Variants in MYO18B observed in about 807,000 individuals in gnomAD.
MYO18B encodes unconventional myosin-XVIIIb.
Under a neutral mutation model 273.0 loss-of-function variants are expected in MYO18B, and 204 were observed. The ratio of observed to expected loss-of-function variants is 0.75; its 90% CI spans 0.67 to 0.84. The LOEUF is 0.84. Ranked by LOEUF, MYO18B falls within the 40% of genes least tolerant of loss-of-function variation. MYO18B has a pLI of 0.00. For missense variants in MYO18B, 3,212 were observed against 3,287.6 expected, an observed-to-expected ratio of 0.98 and a Z score of 0.56; for synonymous variants, 1,330 against 1,305.7, an observed-to-expected ratio of 1.02 and a Z score of -0.40.
At chr22:25,840,413 G>T (rs1312906435) in intron 17 of MYO18B, among the ~76,000 whole-genome samples, 1 of 152,196 alleles carries the variant, frequency 6.6e-6, no homozygotes, top group Non-Finnish European at 1.5e-5. Context: ...AAAAAGCGGT[G>T]ACCCCTCCCT....
chr22:25,796,594 TAAAA>T (rs67767641), intron 11 of MYO18B, among the ~76,000 whole-genome samples: 9 of 141,528 alleles, frequency 6.4e-5, no homozygotes, highest in Middle Eastern at 3.7e-3. Context: ...AGACCCTGTC[TAAAA>T]AAAAAAAAAA....
chr22:25,970,064 C>T (rs1045487862), intron 39 of MYO18B, among the ~76,000 whole-genome samples: 4 of 152,042 alleles, frequency 2.6e-5, no homozygotes, highest in African/African-American at 9.7e-5. Flanking sequence ...CAACCATTAC[C>T]ATCATTATCT....
intron 21 of MYO18B, among the ~76,000 whole-genome samples, chr22:25,854,875 G>T (rs1030226616): frequency 1.3e-5 from 2 of 152,162 alleles, no homozygotes; most frequent in African/African-American, 2.4e-5. Context: ...ATATTCCATT[G>T]TGGATGTATA....
intron 40 of MYO18B, among the ~76,000 whole-genome samples, chr22:25,993,567 A>G (rs1932923147): frequency 6.6e-6 from 1 of 152,156 alleles, no homozygotes; most frequent in Non-Finnish European, 1.5e-5. Context: ...CTTTGTTTCC[A>G]TATGAGGACC....
intron 40 of MYO18B, among the ~76,000 whole-genome samples, chr22:25,994,569 T>C (rs1419436334): frequency 2.0e-5 from 3 of 152,226 alleles, no homozygotes; most frequent in Non-Finnish European, 2.9e-5. Flanking sequence ...GTGGCTTCCA[T>C]GCACATTCCA....
intron 40 of MYO18B, among the ~76,000 whole-genome samples, chr22:25,994,531 T>TA (rs11404011): frequency 0.46 from 69,482 of 151,978 alleles, 16,881 homozygotes; most frequent in African/African-American, 0.62. Context: ...GACTTTGTCT[T>TA]AAAAAAAATT....
At chr22:25,934,551 C>T (rs574875348) in intron 34 of MYO18B, among the ~76,000 whole-genome samples, 1 of 152,218 alleles carries the variant, frequency 6.6e-6, no homozygotes, top group South Asian at 2.1e-4. Context: ...GAAGTCCTGA[C>T]GAAGTGCCCA....
chr22:26,046,980 C>T, the MYO18B span, among the ~76,000 whole-genome samples: 1 of 152,176 alleles, frequency 6.6e-6, no homozygotes, highest in Non-Finnish European at 1.5e-5. Context: ...TTTGCCTCCA[C>T]ATGGCTGCTT....
chr22:25,905,663 T>TAC (rs1161793153), intron 31 of MYO18B, among the ~76,000 whole-genome samples: 1 of 152,202 alleles, frequency 6.6e-6, no homozygotes, highest in African/African-American at 2.4e-5. Flanking sequence ...TTCAAGGAGC[T>TAC]GTAATACGGG....
Position 25,770,875 on chromosome 22 carries a change from CG to C in MYO18B, c.1585del (p.Val529CysfsTer2). On this transcript the variant is annotated frameshift_variant, in exon 6 of 44. Transcript: ENST00000335473. LOFTEE classifies it high-confidence loss of function. ...TCTCTCTGGGATGTCCAACCAGCTA[CG>C]GTGCTAAAGCCAGATGAGGGAACAG... Reference protein sequence around the residue: ...LAQKDGFTLATVLKPDEGTAD... With the variant: ...LAQKDGFTLAXVLKPDEGTAD... 6.4e-7 allele frequency: 1 copy of C among 1,551,384 alleles called. No individual in the cohort carries two copies. Among genetic ancestry groups the C allele is most frequent in the East Asian group, 2.4e-5 (1 of 40,924 alleles).
chr22:25,749,110 G>A (rs1400524919), intron 1 of MYO18B, among the ~76,000 whole-genome samples: 2 of 152,138 alleles, frequency 1.3e-5, no homozygotes, highest in Non-Finnish European at 1.5e-5. Context: ...AACCCACGAG[G>A]CAGCCACTAT....
At chr22:25,798,317 TTC>T (rs1326874499) in intron 12 of MYO18B, among the ~76,000 whole-genome samples, 1 of 152,206 alleles carries the variant, frequency 6.6e-6, no homozygotes, top group African/African-American at 2.4e-5. Context: ...CACAAGAACT[TTC>T]TGCAATGATG....
chr22:25,757,623 G>A (rs1250724359), intron 1 of MYO18B, among the ~76,000 whole-genome samples: 1 of 151,942 alleles, frequency 6.6e-6, no homozygotes, highest in African/African-American at 2.4e-5. Flanking sequence ...AAAACTGCTG[G>A]TCAGTGGTTA....
Position 26,031,003 on chromosome 22 carries a change from T to C in MYO18B, c.*573T>C, listed in dbSNP as rs1020786194. On this transcript the variant is annotated 3_prime_UTR_variant, in exon 44 of 44. Coordinates refer to ENST00000335473, the MANE Select transcript of MYO18B (RefSeq NM_032608.7). ...AAGAAACTGATGAATGATGAATGAA[T>C]GAATGAGCCAAAGAACAAATAAATG... The C allele has an allele frequency of 1.8e-5, 7 of 398,538 alleles. No individual in the cohort carries two copies. In the East Asian group the frequency reaches 2.1e-4, roughly 12 times the overall value. The allele number at this position is 398,538 out of a possible 1,614,324, so 24.7% of individuals were successfully genotyped here.
At chr22:25,799,297 C>T (rs2088080030) in intron 12 of MYO18B, among the ~76,000 whole-genome samples, 1 of 152,114 alleles carries the variant, frequency 6.6e-6, no homozygotes, top group Non-Finnish European at 1.5e-5. Flanking sequence ...GGAGGCTCTC[C>T]CTTGCCTCCA....
At chr22:25,837,907 C>T (rs1375579549) in intron 17 of MYO18B, among the ~76,000 whole-genome samples, 1 of 152,060 alleles carries the variant, frequency 6.6e-6, no homozygotes, top group Non-Finnish European at 1.5e-5. Context: ...GGTACATGTG[C>T]AGGATGTGGA....
chr22:25,890,905 T>C (rs1043274859), intron 26 of MYO18B, 30 bp downstream of exon 26: 13 of 1,606,340 alleles, frequency 8.1e-6, no homozygotes, highest in Non-Finnish European at 1.0e-5. Context: ...CAGGGGTGGC[T>C]GAACACGGTG....
At chr22:25,807,434 T>C (rs1296581224) in intron 12 of MYO18B, among the ~76,000 whole-genome samples, 2 of 152,198 alleles carry the variant, frequency 1.3e-5, no homozygotes, top group African/African-American at 4.8e-5. Flanking sequence ...ACTTTATTAT[T>C]TCCCAAGGCT....
chr22:25,886,641 GC>G (rs1233865245), intron 25 of MYO18B, among the ~76,000 whole-genome samples: 1 of 152,094 alleles, frequency 6.6e-6, no homozygotes. Flanking sequence ...CTTAATCTCA[GC>G]TCTCTGGGCT....
Sources: allele counts gnomAD v4.1 joint callset (sites outside exome capture counted in the v4.1 genomes callset), GRCh38; gene constraint gnomAD v4.1.1; transcripts MANE v1.5; gene names NCBI Gene and HGNC (gene_info 2026-07-23, HGNC 2026-07-21).